Variants in DNAH11 observed in about 807,000 individuals in gnomAD.
DNAH11 encodes the protein dynein axonemal heavy chain 11, also known as axonemal beta dynein heavy chain 11.
Under a neutral mutation model 526.0 loss-of-function variants are expected in DNAH11, and 442 were observed. The ratio of observed to expected loss-of-function variants is 0.84; its 90% CI spans 0.78 to 0.91. DNAH11 has a LOEUF of 0.91. Ranked by LOEUF, DNAH11 falls within the 40% of genes least tolerant of loss-of-function variation. DNAH11 has a pLI of 0.00. For missense variants in DNAH11, 6,989 were observed against 5,448.7 expected, an observed-to-expected ratio of 1.28 and a Z score of -8.90; for synonymous variants, 2,461 against 1,935.9, an observed-to-expected ratio of 1.27 and a Z score of -7.12.
At chr7:21,889,519 G>A (rs1429491507) in intron 76 of DNAH11, among the ~76,000 whole-genome samples, 1 of 152,160 alleles carries the variant, frequency 6.6e-6, no homozygotes, top group East Asian at 1.9e-4. Flanking sequence ...CTTCAGCAAT[G>A]TATGACAGTT....
At chr7:21,852,700 T>C (rs1782689367) in intron 67 of DNAH11, 69 bp downstream of exon 67, 1 of 1,479,142 alleles carries the variant, frequency 6.8e-7, no homozygotes, top group Non-Finnish European at 9.0e-7. Flanking sequence ...GGGTGGGCAG[T>C]GTGATCAGAC....
chr7:21,620,966 G>C (rs146747871), intron 25 of DNAH11, among the ~76,000 whole-genome samples: 2,036 of 152,082 alleles, frequency 0.013, 27 homozygotes, highest in Non-Finnish European at 0.02. Context: ...GTCTATCCTC[G>C]TTGGACATTT....
chr7:21,544,591 T>C lies in DNAH11; in HGVS notation c.352-415T>C, dbSNP rs1429274190. The stretch of plus-strand genomic sequence containing the variant: ...ATACGGTTCTATTCTTTGATAGAAA[T>C]ACAAATTAACCTCTTGGGCTTGTCT... On this transcript the variant is annotated intron_variant, in intron 1 of 81. Coordinates refer to ENST00000409508, the MANE Select transcript of DNAH11 (RefSeq NM_001277115.2). 2.6e-5 allele frequency among the ~76,000 whole-genome samples: 4 copies of C among 152,224 alleles called. No individual in the cohort carries two copies. In the East Asian group the frequency reaches 7.7e-4, roughly 29 times the overall value.
At chr7:21,628,154 G>C (rs10242111) in intron 25 of DNAH11, among the ~76,000 whole-genome samples, 81,407 of 151,552 alleles carry the variant, frequency 0.54, 22,498 homozygotes, top group African/African-American at 0.67. Flanking sequence ...TGCAACTTGC[G>C]TAAACTTGTT....
At chr7:21,778,891 A>T in intron 56 of DNAH11, 67 bp from the exon 57 acceptor site, 1 of 1,546,718 alleles carries the variant, frequency 6.5e-7, no homozygotes. Context: ...CATTCCCAGC[A>T]ATAAGCTCTA....
In DNAH11 at chr7:21,749,902, G is replaced by C. The variant is rs538251694; in HGVS notation, c.8797+101G>C. On this transcript the variant is annotated intron_variant, in intron 53 of 81. Coordinates refer to ENST00000409508, the MANE Select transcript of DNAH11 (RefSeq NM_001277115.2). ...GAGAGAATTCGTCTTTGAGATGTTT[G>C]CTGGGCAGTCTTTGGGGAGAAACCT... 23 of 1,550,792 alleles carry C rather than the reference G, an allele frequency of 1.5e-5. No homozygotes were observed. The African/African-American group carries it at 1.9e-4, about 13-fold the overall frequency.
rs149222915 is a variant in DNAH11 at position 21,733,442 on chromosome 7, C to G, written c.7441-2198C>G. 2.5e-3 allele frequency among the ~76,000 whole-genome samples: 375 copies of G among 152,280 alleles called. 2 individuals carry two copies. The highest frequency in any genetic ancestry group is 8.6e-3 in the African/African-American group (357 of 41,554). On this transcript the variant is annotated intron_variant, in intron 45 of 81. Coordinates refer to ENST00000409508, the MANE Select transcript of DNAH11 (RefSeq NM_001277115.2). ...CCCAAGAGCCAAAAGTGCCTGCTCC[C>G]TCCACTTTATGTATTTGGAAATCTT...
intron 14 of DNAH11, 24 bp from the exon 15 acceptor site, chr7:21,599,763 C>T (rs746131502): frequency 6.9e-7 from 1 of 1,451,820 alleles, no homozygotes; most frequent in South Asian, 1.5e-5. Context: ...TTATATTCAT[C>T]CACTAATACT....
Position 21,704,426 on chromosome 7 carries a change from T to C in DNAH11, c.6274-8T>C. Reference sequence around the variant, plus strand: ...ATTGGCTTTTTTATAAAATGTTTTTTTTTCTAGGTACTCATGAGAGCATTA... The same window carrying C: ...ATTGGCTTTTTTATAAAATGTTTTTCTTTCTAGGTACTCATGAGAGCATTA... On this transcript the variant is annotated splice_region_variant and splice_polypyrimidine_tract_variant and intron_variant, in intron 37 of 81. Transcript: ENST00000409508. 1 of 1,604,410 alleles carries C rather than the reference T, an allele frequency of 6.2e-7. No individual in the cohort carries two copies. The highest frequency in any genetic ancestry group is 8.5e-7 in the Non-Finnish European group (1 of 1,175,812).
At chr7:21,626,817 C>A (rs186737524) in intron 25 of DNAH11, among the ~76,000 whole-genome samples, 1 of 136,456 alleles carries the variant, frequency 7.3e-6, no homozygotes, top group East Asian at 2.2e-4. Context: ...GTGGCGTGAT[C>A]TCGGCTCACT....
intron 77 of DNAH11, among the ~76,000 whole-genome samples, chr7:21,894,292 T>C (rs1420168456): frequency 6.6e-6 from 1 of 152,138 alleles, no homozygotes; most frequent in Non-Finnish European, 1.5e-5. Flanking sequence ...TCTTTACATA[T>C]AAATAACATG....
At chr7:21,833,034 A>C (rs983067452) in intron 65 of DNAH11, among the ~76,000 whole-genome samples, 1 of 152,178 alleles carries the variant, frequency 6.6e-6, no homozygotes, top group African/African-American at 2.4e-5. Context: ...ACACCACACA[A>C]ATCTCTAAAT....
chr7:21,717,847 A>G lies in DNAH11; in HGVS notation c.7056A>G (p.Lys2352=), dbSNP rs774710286. The change falls in exon 43 of 82, where the codon AAA becomes AAG. Residue 2352 remains lysine (K), a synonymous_variant. Transcript: ENST00000409508. ...EKANLTILFD[K]YVPACLDKLR... ...CCAATTTGACTATTCTTTTTGATAA[A>G]TATGTCCCTGCATGCTTGGATAAAC... 2.5e-6 allele frequency: 4 copies of G among 1,613,804 alleles called. No individual in the cohort carries two copies. The highest frequency in any genetic ancestry group is 2.7e-5 in the African/African-American group (2 of 74,926).
chr7:21,555,835 C>G (rs1409921048), intron 2 of DNAH11, among the ~76,000 whole-genome samples: 1 of 152,134 alleles, frequency 6.6e-6, no homozygotes, highest in Non-Finnish European at 1.5e-5. Flanking sequence ...TGTTTCTGCT[C>G]TCGACTGGAG....
chr7:21,655,313 C>T (rs12531543), intron 28 of DNAH11, among the ~76,000 whole-genome samples: 55,521 of 151,974 alleles, frequency 0.37, 11,911 homozygotes, highest in Non-Finnish European at 0.49. Context: ...AGGGAGAAAT[C>T]CTACTCATCT....
At chr7:21,684,473 T>C (rs1198739537) in intron 32 of DNAH11, among the ~76,000 whole-genome samples, 1 of 152,234 alleles carries the variant, frequency 6.6e-6, no homozygotes. Flanking sequence ...AGTAAATTAA[T>C]TATTTTAGGC....
chr7:21,894,378 A>T (rs1364538539), intron 77 of DNAH11, among the ~76,000 whole-genome samples: 1 of 152,188 alleles, frequency 6.6e-6, no homozygotes, highest in Non-Finnish European at 1.5e-5. Context: ...TCTTGACCAG[A>T]TTTGGGGCTC....
chr7:21,872,851 A>G (rs1297979446), intron 73 of DNAH11, among the ~76,000 whole-genome samples: 1 of 152,244 alleles, frequency 6.6e-6, no homozygotes, highest in Non-Finnish European at 1.5e-5. Flanking sequence ...TCAGAAACCA[A>G]TGAAGAGGGT....
intron 30 of DNAH11, among the ~76,000 whole-genome samples, chr7:21,659,459 A>G (rs994177904): frequency 5.9e-5 from 9 of 151,924 alleles, no homozygotes; most frequent in East Asian, 1.9e-4. Context: ...GAACTTTGAA[A>G]AATAATCTAT....
Sources: gnomAD v4.1 joint callset for allele counts (sites outside exome capture counted in the v4.1 genomes callset) on GRCh38, gnomAD v4.1.1 for gene constraint, MANE v1.5 for transcripts, NCBI Gene and HGNC (gene_info 2026-07-23, HGNC 2026-07-21) for gene names.